The following HSD17B12 variants were observed in gnomAD, a reference collection of about 807,000 sequenced individuals.
HSD17B12 encodes hydroxysteroid 17-beta dehydrogenase 12, also known as very-long-chain 3-oxoacyl-CoA reductase.
Under a neutral mutation model 39.3 loss-of-function variants are expected in HSD17B12, and 32 were observed. The observed-to-expected ratio is 0.81, with a 90% CI of 0.61 to 1.09. The LOEUF is 1.09. Ranked by LOEUF, HSD17B12 falls within the 50% of genes least tolerant of loss-of-function variation. HSD17B12 has a pLI of 0.00. For synonymous variants in HSD17B12, 150 were observed against 146.7 expected, an observed-to-expected ratio of 1.02 and a Z score of -0.16; for missense variants, 342 against 382.9, an observed-to-expected ratio of 0.89 and a Z score of 0.89.
At chr11:43,604,336 T>G in the HSD17B12 span, among the ~76,000 whole-genome samples, 1 of 152,234 alleles carries the variant, frequency 6.6e-6, no homozygotes, top group East Asian at 1.9e-4. Context: ...AAGCTAGATA[T>G]TCTTTATTTT....
Position 43,754,133 on chromosome 11 carries a change from C to T in HSD17B12, c.283+12C>T. The T allele has an allele frequency of 6.4e-7, 1 of 1,574,518 alleles. No individual in the cohort carries two copies. Among genetic ancestry groups the T allele is most frequent in the South Asian group, 1.1e-5 (1 of 89,546 alleles). The stretch of plus-strand genomic sequence containing the variant: ...TTCCAGTGAAATAAGTAAGTTCTCA[C>T]ATCAAACAAAAGGAATACATAGCTA... On this transcript the variant is annotated intron_variant, in intron 3 of 10. Transcript: ENST00000278353.
intron 9 of HSD17B12, among the ~76,000 whole-genome samples, chr11:43,849,962 T>A (rs1951515125): frequency 6.6e-6 from 1 of 152,240 alleles, no homozygotes; most frequent in East Asian, 1.9e-4. Context: ...AAATTCCACA[T>A]CTTTGGAGGT....
At chr11:43,597,210 G>A in the HSD17B12 span, among the ~76,000 whole-genome samples, 1 of 152,188 alleles carries the variant, frequency 6.6e-6, no homozygotes, top group Non-Finnish European at 1.5e-5. Flanking sequence ...AGTGGGTCAG[G>A]AGCATGTGAA....
chr11:43,564,751 C>A, the HSD17B12 span, among the ~76,000 whole-genome samples: 1 of 152,090 alleles, frequency 6.6e-6, no homozygotes, highest in African/African-American at 2.4e-5. Flanking sequence ...TATTTTAAAC[C>A]AATTGGAACC....
chr11:43,729,347 A>G (rs1950248535), intron 1 of HSD17B12, among the ~76,000 whole-genome samples: 1 of 152,242 alleles, frequency 6.6e-6, no homozygotes. Flanking sequence ...AAAATGTTAA[A>G]TAGCAGATAG....
At chr11:43,837,545 T>G (rs781092445) in intron 7 of HSD17B12, among the ~76,000 whole-genome samples, 10 of 152,336 alleles carry the variant, frequency 6.6e-5, no homozygotes, top group Non-Finnish European at 1.3e-4. Flanking sequence ...TTCACTTTTT[T>G]GTAGAATTAG....
At chr11:43,817,042 A>G (rs11037657) in intron 6 of HSD17B12, among the ~76,000 whole-genome samples, 3 of 82,452 alleles carry the variant, frequency 3.6e-5, no homozygotes, top group South Asian at 3.9e-4. Flanking sequence ...ATCTATATCT[A>G]TATATATATA....
chr11:43,779,126 A>G (rs1246987569), intron 3 of HSD17B12, among the ~76,000 whole-genome samples: 2 of 152,212 alleles, frequency 1.3e-5, no homozygotes, highest in African/African-American at 4.8e-5. Flanking sequence ...TTACATTTCA[A>G]AATCATGAGA....
chr11:43,768,090 GT>G (rs1445657230), intron 3 of HSD17B12, among the ~76,000 whole-genome samples: 1 of 152,164 alleles, frequency 6.6e-6, no homozygotes, highest in Non-Finnish European at 1.5e-5. Context: ...AACTAACTGA[GT>G]TCTAATCTTT....
At chr11:43,705,089 A>G (rs182472670) in intron 1 of HSD17B12, among the ~76,000 whole-genome samples, 211 of 152,346 alleles carry the variant, frequency 1.4e-3, no homozygotes, top group African/African-American at 4.3e-3. Context: ...ATAAAGTCCA[A>G]TGGGTTTTGG....
the HSD17B12 span, among the ~76,000 whole-genome samples, chr11:43,650,995 T>C: frequency 6.6e-6 from 1 of 152,218 alleles, no homozygotes; most frequent in South Asian, 2.1e-4. Flanking sequence ...AGACACGCAC[T>C]GAGGGTCTTG....
At chr11:43,770,556 C>T (rs1222010053) in intron 3 of HSD17B12, among the ~76,000 whole-genome samples, 2 of 152,066 alleles carry the variant, frequency 1.3e-5, no homozygotes, top group Non-Finnish European at 2.9e-5. Flanking sequence ...ATAGGGAGAC[C>T]GTGTCTCTAC....
At chr11:43,752,768 A>G (rs1283314782) in intron 2 of HSD17B12, among the ~76,000 whole-genome samples, 1 of 152,024 alleles carries the variant, frequency 6.6e-6, no homozygotes, top group Non-Finnish European at 1.5e-5. Context: ...ATTTATTAAG[A>G]TGGTGTTTTT....
At chr11:43,772,391 T>G (rs565890126) in intron 3 of HSD17B12, among the ~76,000 whole-genome samples, 3 of 152,342 alleles carry the variant, frequency 2.0e-5, no homozygotes, top group South Asian at 2.1e-4. Flanking sequence ...TTAAAAATTT[T>G]GGGGTTTTTT....
At chr11:43,626,053 C>T in the HSD17B12 span, among the ~76,000 whole-genome samples, 12 of 151,230 alleles carry the variant, frequency 7.9e-5, no homozygotes, top group South Asian at 4.2e-4. Context: ...TTTATTTTCA[C>T]GAAAAGCAAT....
chr11:43,669,571 G>A, the HSD17B12 span, among the ~76,000 whole-genome samples: 1 of 151,912 alleles, frequency 6.6e-6, no homozygotes, highest in Admixed American at 6.6e-5. Context: ...TCAAGGTGTT[G>A]GGAAGGGCCA....
chr11:43,691,969 A>T (rs1949866970), intron 1 of HSD17B12, among the ~76,000 whole-genome samples: 1 of 152,166 alleles, frequency 6.6e-6, no homozygotes, highest in South Asian at 2.1e-4. Context: ...CATGTTCCAG[A>T]GTGTCAATTG....
chr11:43,686,586 T>G (rs1222069667), intron 1 of HSD17B12, among the ~76,000 whole-genome samples: 1 of 128,902 alleles, frequency 7.8e-6, no homozygotes, highest in Non-Finnish European at 1.6e-5. Flanking sequence ...CCCCCATTGC[T>G]CCCACCCTGT....
At chr11:43,714,023 G>A (rs1018360538) in intron 1 of HSD17B12, among the ~76,000 whole-genome samples, 4 of 152,038 alleles carry the variant, frequency 2.6e-5, no homozygotes, top group Non-Finnish European at 5.9e-5. Flanking sequence ...CTGGACATTA[G>A]CCCTTTGTCA....
Sources: gnomAD v4.1 joint callset for allele counts (sites outside exome capture counted in the v4.1 genomes callset) on GRCh38, gnomAD v4.1.1 for gene constraint, MANE v1.5 for transcripts, NCBI Gene and HGNC (gene_info 2026-07-23, HGNC 2026-07-21) for gene names.